The following PDE6C variants were observed in gnomAD, a reference collection of about 807,000 sequenced individuals.
The protein encoded by PDE6C is phosphodiesterase 6C.
In PDE6C, 75 loss-of-function variants were observed where a neutral mutation model predicts 113.1. The observed-to-expected ratio is 0.66, with a 90% CI of 0.55 to 0.80. The LOEUF is 0.80. Ranked by LOEUF, PDE6C falls within the 30% of genes least tolerant of loss-of-function variation. PDE6C has a pLI of 0.00. For synonymous variants in PDE6C, 375 were observed against 363.7 expected (o/e 1.03, Z -0.35); for missense variants, 912 against 1,038.6 (o/e 0.88, Z 1.67).
At chr10:93,614,794 G>A (rs1245725538) in intron 1 of PDE6C, among the ~76,000 whole-genome samples, 3 of 152,086 alleles carry the variant, frequency 2.0e-5, no homozygotes, top group Non-Finnish European at 4.4e-5. Context: ...CGGCATGGAC[G>A]GAGCACTTCA....
chr10:93,657,274 GC>G (rs2058642308), intron 16 of PDE6C, among the ~76,000 whole-genome samples: 1 of 149,458 alleles, frequency 6.7e-6, no homozygotes, highest in South Asian at 2.1e-4. Flanking sequence ...TGATTCTTCT[GC>G]CTCAGCCTCC....
At chr10:93,652,398 TAAGA>T (rs1412154808) in intron 15 of PDE6C, among the ~76,000 whole-genome samples, 3 of 152,118 alleles carry the variant, frequency 2.0e-5, no homozygotes, top group Non-Finnish European at 2.9e-5. Context: ...AATGTAGAAT[TAAGA>T]AAGAGTTTTT....
Position 93,612,671 on chromosome 10 carries a change from G to C in PDE6C, c.-55G>C. On this transcript the variant is annotated 5_prime_UTR_variant, in exon 1 of 22. Transcript: ENST00000371447. ...ATTTCCTTCTCATCACTCTGCCTCA[G>C]GTAGTGCTCTGAAGGTCGTCCTTTC... is the stretch of plus-strand genomic sequence containing the variant. 6.2e-7 allele frequency: 1 copy of C among 1,611,202 alleles called. No homozygotes were observed. The highest frequency in any genetic ancestry group is 8.5e-7 in the Non-Finnish European group (1 of 1,179,594).
chr10:93,613,974 G>A (rs1210632763), intron 1 of PDE6C, among the ~76,000 whole-genome samples: 1 of 152,144 alleles, frequency 6.6e-6, no homozygotes, highest in Non-Finnish European at 1.5e-5. Flanking sequence ...TACCATTAGA[G>A]TACATGTTCA....
intron 1 of PDE6C, among the ~76,000 whole-genome samples, chr10:93,613,476 T>C (rs2058403644): frequency 6.6e-6 from 1 of 152,210 alleles, no homozygotes. Context: ...TTTTATCAGG[T>C]GATCCTACCT....
intron 15 of PDE6C, among the ~76,000 whole-genome samples, chr10:93,648,538 T>A (rs1451111732): frequency 6.6e-6 from 1 of 152,226 alleles, no homozygotes; most frequent in Non-Finnish European, 1.5e-5. Context: ...AGGGAAATCC[T>A]TGGGATTTAT....
intron 5 of PDE6C, 143 bp from the exon 6 acceptor site, chr10:93,626,497 G>A (rs1267392005): frequency 1.6e-6 from 1 of 633,578 alleles, no homozygotes; most frequent in Non-Finnish European, 2.8e-6. Context: ...CAGGATATAA[G>A]TAGTTTGATA....
chr10:93,642,265 G>A (rs1245471621), intron 14 of PDE6C, among the ~76,000 whole-genome samples: 1 of 152,164 alleles, frequency 6.6e-6, no homozygotes, highest in African/African-American at 2.4e-5. Flanking sequence ...TTGAGAGGGT[G>A]AGGCAGGATA....
intron 18 of PDE6C, 65 bp downstream of exon 18, chr10:93,659,232 TC>T: frequency 8.9e-7 from 1 of 1,117,966 alleles, no homozygotes; most frequent in Non-Finnish European, 1.4e-6. Context: ...CATGTAAATG[TC>T]CACCTAAAGA....
In PDE6C at chr10:93,637,161, G is replaced by T. The variant is rs141036080; in HGVS notation, c.1482+98G>T. 197 of 706,822 alleles carry T rather than the reference G, an allele frequency of 2.8e-4. 1 individual carries two copies. The East Asian group carries it at 4.6e-3, about 16-fold the overall frequency. 43.8% of individuals were successfully genotyped at this position (706,822 alleles called of 1,614,324 possible). A position where few individuals can be genotyped will look rare whatever the true frequency, so the allele number is the denominator to read the frequency against. On this transcript the variant is annotated intron_variant, in intron 11 of 21. Transcript: ENST00000371447. The stretch of plus-strand genomic sequence containing the variant: ...CTTTCTTGTTTTTCAAGTAAATGTT[G>T]AGTTTTCTCTTTCCTGATATTTCTC...
At chr10:93,641,118 C>T (rs1341863375) in intron 14 of PDE6C, 89 bp downstream of exon 14, 5 of 791,794 alleles carry the variant, frequency 6.3e-6, no homozygotes, top group Non-Finnish European at 1.1e-5. Context: ...TATTCCTTGG[C>T]CCAGTCAATG....
rs764767043 is a variant in PDE6C, at chr10:93,645,938, T to C, written c.1848-22T>C. On this transcript the variant is annotated intron_variant, in intron 14 of 21. Transcript: ENST00000371447. ...TGTAATTTTTAAACAGCTAGAATCATGGCATGTTGTTTTCCTTCTAGATCC... is the reference window on the plus strand; with the variant it reads ...TGTAATTTTTAAACAGCTAGAATCACGGCATGTTGTTTTCCTTCTAGATCC... 2.1e-6 allele frequency: 3 copies of C among 1,427,202 alleles called. No individual in the cohort carries two copies. In the South Asian group the frequency reaches 3.4e-5, roughly 16 times the overall value. The allele number at this position is 1,427,202 out of a possible 1,614,324, so 88.4% of individuals were successfully genotyped here.
At chr10:93,637,853 A>T (rs1374518604) in intron 11 of PDE6C, among the ~76,000 whole-genome samples, 2 of 152,212 alleles carry the variant, frequency 1.3e-5, no homozygotes, top group Non-Finnish European at 2.9e-5. Flanking sequence ...AGCATGCCTT[A>T]TGCTTTTAAA....
At chr10:93,655,918 A>G in intron 16 of PDE6C, 58 bp downstream of exon 16, 1 of 876,150 alleles carries the variant, frequency 1.1e-6, no homozygotes, top group South Asian at 1.3e-5. Flanking sequence ...TTTACCTTCC[A>G]TAAATTATCT....
chr10:93,650,866 C>T (rs754282587), intron 15 of PDE6C, among the ~76,000 whole-genome samples: 15 of 148,494 alleles, frequency 1.0e-4, no homozygotes, highest in Non-Finnish European at 2.1e-4. Flanking sequence ...CTTTTTCCCA[C>T]ATGTCTGTTT....
chr10:93,639,263 G>A (rs951534894), intron 11 of PDE6C, among the ~76,000 whole-genome samples: 2 of 152,006 alleles, frequency 1.3e-5, no homozygotes, highest in African/African-American at 4.8e-5. Flanking sequence ...TTCTCCCTCG[G>A]CATGGAGCAC....
chr10:93,660,865 C>A (rs2058662894), intron 18 of PDE6C, among the ~76,000 whole-genome samples: 1 of 152,040 alleles, frequency 6.6e-6, no homozygotes. Flanking sequence ...CTAATAGATG[C>A]TCACATCAAC....
At chr10:93,658,271 T>A (rs1323890907) in intron 16 of PDE6C, among the ~76,000 whole-genome samples, 1 of 149,734 alleles carries the variant, frequency 6.7e-6, no homozygotes, top group African/African-American at 2.5e-5. Context: ...ACTCAGCAAA[T>A]TGAAATTTTA....
rs1360063203 is a variant in PDE6C at position 93,612,656 on chromosome 10, C to T, written c.-70C>T. Reference sequence around the variant, plus strand: ...TTTCCACCAGGATGAATTTCCTTCTCATCACTCTGCCTCAGGTAGTGCTCT... The same window carrying T: ...TTTCCACCAGGATGAATTTCCTTCTTATCACTCTGCCTCAGGTAGTGCTCT... On this transcript the variant is annotated 5_prime_UTR_variant, in exon 1 of 22. Transcript: ENST00000371447. 1.2e-6 allele frequency: 2 copies of T among 1,605,606 alleles called. No homozygotes were observed. Among genetic ancestry groups the T allele is most frequent in the Non-Finnish European group, 8.5e-7 (1 of 1,175,648 alleles).
Sources: allele counts gnomAD v4.1 joint callset (sites outside exome capture counted in the v4.1 genomes callset), GRCh38; gene constraint gnomAD v4.1.1; transcripts MANE v1.5; gene names NCBI Gene and HGNC (gene_info 2026-07-23, HGNC 2026-07-21).